The following GRIN2B variants were observed in gnomAD, a reference collection of about 807,000 sequenced individuals.
GRIN2B encodes glutamate receptor ionotropic, NMDA 2B.
A neutral mutation model predicts 114.5 loss-of-function variants in GRIN2B; 5 were observed. That is an observed-to-expected ratio of 0.04 (90% CI 0.02 to 0.09). GRIN2B has a LOEUF of 0.09. GRIN2B is among the 10% of genes least tolerant of loss of function. GRIN2B has a pLI of 1.00. For missense variants in GRIN2B, 1,108 were observed against 1,943.5 expected (o/e 0.57, Z 8.08); for synonymous variants, 787 against 745.1 (o/e 1.06, Z -0.92).
At chr12:13,741,328 A>G (rs1863283433) in intron 4 of GRIN2B, among the ~76,000 whole-genome samples, 1 of 152,012 alleles carries the variant, frequency 6.6e-6, no homozygotes, top group South Asian at 2.1e-4. Context: ...CCGCGCCCAG[A>G]CAGGAAACTC....
intron 10 of GRIN2B, among the ~76,000 whole-genome samples, chr12:13,606,893 AAGAG>A (rs1361517835): frequency 6.6e-6 from 1 of 152,012 alleles, no homozygotes; most frequent in Admixed American, 6.6e-5. Context: ...GCTTCCAAAT[AAGAG>A]AGAAAAAAAT....
At chr12:13,623,946 C>T (rs1479605423) in intron 5 of GRIN2B, among the ~76,000 whole-genome samples, 1 of 152,158 alleles carries the variant, frequency 6.6e-6, no homozygotes, top group Non-Finnish European at 1.5e-5. Context: ...GTTTTGCTTT[C>T]TGTTGTTGCA....
intron 4 of GRIN2B, among the ~76,000 whole-genome samples, chr12:13,732,024 C>T (rs1299246073): frequency 6.6e-6 from 1 of 152,234 alleles, no homozygotes. Flanking sequence ...ACTAACTAGG[C>T]TGTTTCATAG....
intron 2 of GRIN2B, among the ~76,000 whole-genome samples, chr12:13,899,599 T>C (rs1446593778): frequency 6.9e-6 from 1 of 143,986 alleles, no homozygotes; most frequent in African/African-American, 2.4e-5. Flanking sequence ...TTAAATCTGA[T>C]TATTTCCTAT....
At chr12:13,901,660 A>C (rs1866455625) in intron 2 of GRIN2B, among the ~76,000 whole-genome samples, 1 of 152,120 alleles carries the variant, frequency 6.6e-6, no homozygotes, top group South Asian at 2.1e-4. Flanking sequence ...TCTTATAAAT[A>C]TATTTTCCCA....
At chr12:13,892,457 C>T (rs146088779) in intron 2 of GRIN2B, among the ~76,000 whole-genome samples, 509 of 152,294 alleles carry the variant, frequency 3.3e-3, no homozygotes, top group Non-Finnish European at 4.3e-3. Flanking sequence ...TTTATCCTCC[C>T]TATGCTGGGA....
chr12:13,786,661 A>G (rs1399083790), intron 3 of GRIN2B, among the ~76,000 whole-genome samples: 2 of 150,410 alleles, frequency 1.3e-5, no homozygotes, highest in Non-Finnish European at 3.0e-5. Flanking sequence ...TCCCACAGGT[A>G]TCAGGGCTGA....
At chr12:13,687,063 A>C (rs998041315) in intron 4 of GRIN2B, among the ~76,000 whole-genome samples, 1 of 152,180 alleles carries the variant, frequency 6.6e-6, no homozygotes, top group Non-Finnish European at 1.5e-5. Flanking sequence ...CCCCACGAGT[A>C]GAAGCAGACT....
Position 13,808,201 on chromosome 12 carries a change from G to C in GRIN2B, c.412-54286C>G, listed in dbSNP as rs1029199354. On this transcript the variant is annotated intron_variant, in intron 3 of 13. Transcript: ENST00000609686. Reference sequence around the variant, plus strand: ...GTGTGCATCAGCATTTTTAAACACTGAAGGGGTGCTAACTGATGGGCAATT... The same window carrying C: ...GTGTGCATCAGCATTTTTAAACACTCAAGGGGTGCTAACTGATGGGCAATT... Among the ~76,000 whole-genome samples, 11 of 152,078 alleles carry C rather than the reference G, an allele frequency of 7.2e-5. 1 individual carries two copies. Among genetic ancestry groups the C allele is most frequent in the Admixed American group, 5.9e-4 (9 of 15,260 alleles).
chr12:13,963,276 A>G (rs2136863988), intron 2 of GRIN2B, among the ~76,000 whole-genome samples: 1 of 152,092 alleles, frequency 6.6e-6, no homozygotes, highest in Non-Finnish European at 1.5e-5. Context: ...AACACTCCCA[A>G]TTTCCTGAGG....
At position 13,615,045 on chromosome 12, in the gene GRIN2B, T is replaced by C; in HGVS notation, c.1654+69A>G. The C allele has an allele frequency of 2.9e-6, 4 of 1,385,146 alleles. No homozygotes were observed. Among genetic ancestry groups the C allele is most frequent in the Non-Finnish European group, 4.1e-6 (4 of 971,440 alleles). 85.8% of individuals were successfully genotyped at this position (1,385,146 alleles called of 1,614,324 possible). ...TAGCTGGAACAGCCTGGCCATGTGC[T>C]CCTTTTTTCCTTATTTCACTTCCCC... On this transcript the variant is annotated intron_variant, in intron 8 of 13. Coordinates refer to ENST00000609686, the MANE Select transcript of GRIN2B (RefSeq NM_000834.5). This position sits in a 1 kb window ranked among gnomAD's most constrained non-coding sequence, Gnocchi z 5.8.
rs893022301 is a variant in GRIN2B, at chr12:13,541,863, T to C, written c.*20920A>G. The C allele has an allele frequency of 5.9e-5, 9 of 152,268 alleles. No individual in the cohort carries two copies. The highest frequency in any genetic ancestry group is 1.9e-4 in the African/African-American group (8 of 41,460). 9.4% of individuals were successfully genotyped at this position (152,268 alleles called of 1,614,324 possible). On this transcript the variant is annotated 3_prime_UTR_variant, in exon 14 of 14. Transcript: ENST00000609686. ...CAGGTGGCACAGGAAATAGAATTAG[T>C]GCATCCTCTGTGTCAGAAACAACGT...
At chr12:13,760,749 C>T (rs1863664311) in intron 3 of GRIN2B, among the ~76,000 whole-genome samples, 1 of 152,178 alleles carries the variant, frequency 6.6e-6, no homozygotes, top group East Asian at 1.9e-4. Flanking sequence ...ATCTTCACTC[C>T]TTCCACATTT....
In GRIN2B at chr12:13,817,770, G is replaced by A. The variant is rs118024403; in HGVS notation, c.411+48028C>T. Among the ~76,000 whole-genome samples, 1,514 of 152,214 alleles carry A rather than the reference G, an allele frequency of 9.9e-3. 12 individuals are homozygous for A. The highest frequency in any genetic ancestry group is 0.02 in the Admixed American group (301 of 15,266). On this transcript the variant is annotated intron_variant, in intron 3 of 13. Transcript: ENST00000609686. ...CAAGTCAGGCCATGGGTTTCCAACC[G>A]CTCAGGAATGGTTCTTCTGGGTCAA...
At chr12:13,650,524 A>G (rs960910326) in intron 5 of GRIN2B, among the ~76,000 whole-genome samples, 1 of 152,108 alleles carries the variant, frequency 6.6e-6, no homozygotes, top group Non-Finnish European at 1.5e-5. Flanking sequence ...CTTAAAAGGT[A>G]GAGATTCAGG....
At chr12:13,835,400 G>A (rs754185446) in intron 3 of GRIN2B, among the ~76,000 whole-genome samples, 1 of 152,082 alleles carries the variant, frequency 6.6e-6, no homozygotes, top group Non-Finnish European at 1.5e-5. Flanking sequence ...CTGGGAAGAA[G>A]TTTCTGGGAA....
At chr12:13,967,113 A>G (rs1411312261) in intron 2 of GRIN2B, among the ~76,000 whole-genome samples, 1 of 152,222 alleles carries the variant, frequency 6.6e-6, no homozygotes, top group East Asian at 1.9e-4. Flanking sequence ...GCATAACTCA[A>G]CAATTACATT....
rs114011363 is a variant in GRIN2B at position 13,929,748 on chromosome 12, T to G, written c.-19+50180A>C. 5.7e-3 allele frequency among the ~76,000 whole-genome samples: 873 copies of G among 152,220 alleles called. 11 individuals are homozygous for G. The highest frequency in any genetic ancestry group is 0.02 in the African/African-American group (837 of 41,530). On this transcript the variant is annotated intron_variant, in intron 2 of 13. Coordinates refer to ENST00000609686, the MANE Select transcript of GRIN2B (RefSeq NM_000834.5). ...TTACAAGCAGTCATGAAACTTAGGG[T>G]AAACTACTTCACTTCCTTGATAATT... is the stretch of plus-strand genomic sequence containing the variant.
rs536142971 is a variant in GRIN2B, at chr12:13,575,669, A to T, written c.2011-3705T>A. 2.4e-3 allele frequency among the ~76,000 whole-genome samples: 355 copies of T among 148,160 alleles called. 2 individuals are homozygous for T. Among genetic ancestry groups the T allele is most frequent in the African/African-American group, 8.6e-3 (339 of 39,306 alleles). On this transcript the variant is annotated intron_variant, in intron 10 of 13. Transcript: ENST00000609686. ...GCAAGACCCTGTCTCCAAAATGATA[A>T]CAACAATAATAATAATAATAATAAT...
Sources: gnomAD v4.1 joint callset for allele counts (sites outside exome capture counted in the v4.1 genomes callset) on GRCh38, gnomAD v4.1.1 for gene constraint, Gnocchi (gnomAD v3.1) non-coding constraint, MANE v1.5 for transcripts, NCBI Gene and HGNC (gene_info 2026-07-23, HGNC 2026-07-21) for gene names.